SLC44A5: variants seen among roughly 807,000 people sequenced by gnomAD.
SLC44A5 encodes solute carrier family 44 member 5.
A neutral mutation model predicts 101.8 loss-of-function variants in SLC44A5; 57 were observed. The observed-to-expected ratio is 0.56, with a 90% CI of 0.45 to 0.70. SLC44A5 has a LOEUF of 0.70. Among genes scored for constraint, SLC44A5 ranks in the 30% least tolerant of loss-of-function variants. SLC44A5 has a pLI of 0.00. For missense variants in SLC44A5, 737 were observed against 853.1 expected (o/e 0.86, Z 1.70); for synonymous variants, 281 against 290.9 (o/e 0.97, Z 0.35).
intron 3 of SLC44A5, among the ~76,000 whole-genome samples, chr1:75,394,008 A>C (rs1037472224): frequency 2.0e-5 from 3 of 152,158 alleles, no homozygotes; most frequent in African/African-American, 7.2e-5. Flanking sequence ...ACTTAACAGC[A>C]CATTCATGGT....
chr1:75,476,327 G>A (rs1395770046), intron 2 of SLC44A5, among the ~76,000 whole-genome samples: 2 of 152,230 alleles, frequency 1.3e-5, no homozygotes. Context: ...GAGTGACGCA[G>A]AAGATGGGTG....
At position 75,251,309 on chromosome 1, in the gene SLC44A5, A is replaced by C. The variant is rs75019117; in HGVS notation, c.261-15T>G. ...TGGTCTTGTTCCTGTTAAGAAAGAA[A>C]ACATAATCTTTTTAGTGACCATGGA... On this transcript the variant is annotated splice_polypyrimidine_tract_variant and intron_variant, in intron 6 of 23. Transcript: ENST00000370859. 1 of 1,594,816 alleles carries C rather than the reference A, an allele frequency of 6.3e-7. No homozygotes were observed. Among genetic ancestry groups the C allele is most frequent in the Admixed American group, 1.7e-5 (1 of 59,180 alleles).
At chr1:75,503,907 A>G (rs1343773068) in intron 2 of SLC44A5, among the ~76,000 whole-genome samples, 1 of 152,200 alleles carries the variant, frequency 6.6e-6, no homozygotes, top group East Asian at 1.9e-4. Context: ...CTGAATATGC[A>G]AAGACCTGAG....
chr1:75,489,824 C>G (rs1668341622), intron 2 of SLC44A5, among the ~76,000 whole-genome samples: 1 of 152,120 alleles, frequency 6.6e-6, no homozygotes, highest in Non-Finnish European at 1.5e-5. Flanking sequence ...GATGTACTCA[C>G]TTTTAATAGT....
intron 1 of SLC44A5, among the ~76,000 whole-genome samples, chr1:75,544,999 C>T (rs569068345): frequency 4.9e-4 from 74 of 152,172 alleles, no homozygotes; most frequent in African/African-American, 1.6e-3. Flanking sequence ...TAATGCTATC[C>T]GTCCCCTAGC....
At chr1:75,314,366 G>A (rs1437241252) in intron 4 of SLC44A5, among the ~76,000 whole-genome samples, 1 of 152,120 alleles carries the variant, frequency 6.6e-6, no homozygotes, top group Non-Finnish European at 1.5e-5. Flanking sequence ...AAACACGCCA[G>A]CATCATCTTT....
intron 1 of SLC44A5, among the ~76,000 whole-genome samples, chr1:75,598,934 A>T (rs563278778): frequency 5.3e-5 from 8 of 152,318 alleles, no homozygotes; most frequent in Non-Finnish European, 1.0e-4. Context: ...AATAAAAATT[A>T]AAAAAGACTA....
At chr1:75,371,493 T>A (rs2101172048) in intron 3 of SLC44A5, among the ~76,000 whole-genome samples, 1 of 152,300 alleles carries the variant, frequency 6.6e-6, no homozygotes, top group South Asian at 2.1e-4. Context: ...AAGACCCAAG[T>A]AGCTTTCTAC....
At chr1:75,284,342 T>C (rs1375368458) in intron 5 of SLC44A5, among the ~76,000 whole-genome samples, 1 of 152,162 alleles carries the variant, frequency 6.6e-6, no homozygotes, top group Non-Finnish European at 1.5e-5. Flanking sequence ...TTTGTGTACA[T>C]TGATTTTGTA....
intron 2 of SLC44A5, among the ~76,000 whole-genome samples, chr1:75,512,668 C>T (rs942663983): frequency 6.6e-6 from 1 of 152,066 alleles, no homozygotes; most frequent in Non-Finnish European, 1.5e-5. Context: ...TACTATGAAG[C>T]GTAGTGATCA....
Position 75,293,443 on chromosome 1 carries a change from TG to T in SLC44A5, c.175+7168del, listed in dbSNP as rs1653722922. On this transcript the variant is annotated intron_variant, in intron 5 of 23. Transcript: ENST00000370859. ...GGGGAGGCATTCCCTAAACACTTGC[TG>T]GTTGGGAATGTTGGCTTTCGAATCA... Among the ~76,000 whole-genome samples, 5 of 152,312 alleles carry T rather than the reference TG, an allele frequency of 3.3e-5. No individual in the cohort carries two copies. The South Asian group carries it at 1.0e-3, about 32-fold the overall frequency.
intron 5 of SLC44A5, among the ~76,000 whole-genome samples, chr1:75,292,727 G>T (rs1653661828): frequency 6.6e-6 from 1 of 152,220 alleles, no homozygotes; most frequent in African/African-American, 2.4e-5. Context: ...GATACTCGCT[G>T]TTTTAAGCCC....
chr1:75,213,892 T>A (rs1386985216), intron 21 of SLC44A5, 27 bp downstream of exon 21: 34 of 1,547,416 alleles, frequency 2.2e-5, no homozygotes, highest in Non-Finnish European at 2.9e-5. Context: ...AACTTTTTTT[T>A]TTATTATTTT....
intron 2 of SLC44A5, among the ~76,000 whole-genome samples, chr1:75,431,617 T>A (rs1019105382): frequency 6.6e-6 from 1 of 152,082 alleles, no homozygotes; most frequent in Non-Finnish European, 1.5e-5. Context: ...CGAGGAGGAG[T>A]GGGTTTTTGT....
At position 75,521,214 on chromosome 1, in the gene SLC44A5, CACA is replaced by C. The variant is rs1670102034; in HGVS notation, c.13+20218_13+20220del. ...CACATTGAAGTTGAGGGAAGTCAAC[CACA>C]TGATCATACTTTTAAATACTATTCA... On this transcript the variant is annotated intron_variant, in intron 2 of 23. Coordinates refer to ENST00000370859, the MANE Select transcript of SLC44A5 (RefSeq NM_001130058.2). 2.0e-5 allele frequency among the ~76,000 whole-genome samples: 3 copies of C among 152,238 alleles called. No homozygotes were observed. In the East Asian group the frequency reaches 5.8e-4, roughly 29 times the overall value.
At chr1:75,306,895 C>T (rs1223722008) in intron 4 of SLC44A5, among the ~76,000 whole-genome samples, 1 of 151,756 alleles carries the variant, frequency 6.6e-6, no homozygotes, top group Non-Finnish European at 1.5e-5. Flanking sequence ...CCATCACGCC[C>T]GGCTAATTTT....
At chr1:75,614,065 G>T (rs1178872182), upstream of SLC44A5, among the ~76,000 whole-genome samples, 2 of 152,158 alleles carry the variant, frequency 1.3e-5, no homozygotes. Flanking sequence ...ATGTATTTCT[G>T]CCAATGGATA....
chr1:75,482,281 G>A (rs995170143), intron 2 of SLC44A5, among the ~76,000 whole-genome samples: 1 of 150,486 alleles, frequency 6.6e-6, no homozygotes, highest in Non-Finnish European at 1.5e-5. Context: ...GGGGTGGGGG[G>A]ACGGGGGAGG....
chr1:75,655,022 G>A, the SLC44A5 span, among the ~76,000 whole-genome samples: 1 of 151,848 alleles, frequency 6.6e-6, no homozygotes, highest in Admixed American at 6.6e-5. Context: ...TCGTCATCTG[G>A]CCTTATATCC....
Sources: gnomAD v4.1 joint callset for allele counts (sites outside exome capture counted in the v4.1 genomes callset) on GRCh38, gnomAD v4.1.1 for gene constraint, MANE v1.5 for transcripts, NCBI Gene and HGNC (gene_info 2026-07-23, HGNC 2026-07-21) for gene names.